SLC39A11: variants seen among roughly 807,000 people sequenced by gnomAD.
SLC39A11 encodes the protein zinc transporter ZIP11.
A neutral mutation model predicts 36.1 loss-of-function variants in SLC39A11; 33 were observed. The ratio of observed to expected loss-of-function variants is 0.91; its 90% CI spans 0.69 to 1.22. The LOEUF (loss-of-function observed/expected upper bound fraction) is 1.22. Ranked by LOEUF, SLC39A11 falls within the 50% of genes most tolerant of loss-of-function variation. The pLI is 0.00. For missense variants in SLC39A11, 432 were observed against 430.3 expected (o/e 1.00, Z -0.03); for synonymous variants, 166 against 170.3 (o/e 0.97, Z 0.20).
chr17:72,694,612 C>T (rs550261798), intron 7 of SLC39A11, among the ~76,000 whole-genome samples: 56 of 152,334 alleles, frequency 3.7e-4, no homozygotes, highest in Admixed American at 1.2e-3. Context: ...AGTGGTTCCA[C>T]GGCAAGCTAA....
intron 6 of SLC39A11, among the ~76,000 whole-genome samples, chr17:72,797,375 AAT>A (rs1327817815): frequency 2.6e-5 from 4 of 152,054 alleles, no homozygotes; most frequent in Admixed American, 2.0e-4. Flanking sequence ...TAAGATAAGG[AAT>A]AGAGTAACTA....
intron 4 of SLC39A11, among the ~76,000 whole-genome samples, chr17:72,972,013 C>T (rs1162504933): frequency 2.6e-5 from 4 of 152,192 alleles, no homozygotes; most frequent in Non-Finnish European, 4.4e-5. Flanking sequence ...TTAATATGAA[C>T]TGTGATCATC....
intron 5 of SLC39A11, among the ~76,000 whole-genome samples, chr17:72,871,223 G>A (rs146361235): frequency 0.015 from 2,305 of 151,846 alleles, 39 homozygotes; most frequent in South Asian, 0.049. Flanking sequence ...CACAATGCCC[G>A]GCTAATTTTT....
chr17:72,808,085 G>A (rs2077320234), intron 6 of SLC39A11, among the ~76,000 whole-genome samples: 1 of 152,134 alleles, frequency 6.6e-6, no homozygotes, highest in Non-Finnish European at 1.5e-5. Context: ...CTGGCCATAA[G>A]TTCTGTGTGT....
At chr17:72,967,389 A>AGAGAGAGAGAGAGAGG (rs2087074997) in intron 4 of SLC39A11, among the ~76,000 whole-genome samples, 1 of 147,632 alleles carries the variant, frequency 6.8e-6, no homozygotes, top group Non-Finnish European at 1.5e-5. Flanking sequence ...AGAGAGAGAG[A>AGAGAGAGAGAGAGAGG]GAGAGAGAGA....
intron 4 of SLC39A11, among the ~76,000 whole-genome samples, chr17:73,004,216 A>AAAG (rs774738475): frequency 8.2e-6 from 1 of 122,610 alleles, no homozygotes; most frequent in Admixed American, 8.6e-5. Flanking sequence ...AGAAAGAAAG[A>AAAG]AAGAAAGAAA....
intron 5 of SLC39A11, among the ~76,000 whole-genome samples, chr17:72,901,250 C>T (rs1390185410): frequency 6.6e-6 from 1 of 152,246 alleles, no homozygotes; most frequent in Non-Finnish European, 1.5e-5. Flanking sequence ...GACGTCTCTA[C>T]TCCAGGAAAA....
chr17:73,079,992 C>T (rs2060459697), intron 3 of SLC39A11, among the ~76,000 whole-genome samples: 1 of 152,164 alleles, frequency 6.6e-6, no homozygotes, highest in South Asian at 2.1e-4. Flanking sequence ...ATAAATGACA[C>T]AAACACATGG....
chr17:72,726,212 G>A (rs1328016785), intron 7 of SLC39A11, among the ~76,000 whole-genome samples: 1 of 152,208 alleles, frequency 6.6e-6, no homozygotes, highest in Admixed American at 6.5e-5. Context: ...ATGGAGGCTT[G>A]GAGGGAGCCA....
chr17:72,846,018 CTTTTTTTTTTTTTTTTTT>C (rs569100122), intron 6 of SLC39A11, among the ~76,000 whole-genome samples: 3 of 57,950 alleles, frequency 5.2e-5, no homozygotes, highest in African/African-American at 8.5e-5. Flanking sequence ...CTCTCTCTCT[CTTTTTTTTTTTTTTTTTT>C]TTTTTTTTTT....
At chr17:72,794,941 T>A (rs1197293935) in intron 6 of SLC39A11, among the ~76,000 whole-genome samples, 1 of 152,106 alleles carries the variant, frequency 6.6e-6, no homozygotes, top group Admixed American at 6.5e-5. Flanking sequence ...CCACACTGGA[T>A]ATGAGGGATG....
Position 72,918,413 on chromosome 17 carries a change from A to G in SLC39A11, c.430+29339T>C, listed in dbSNP as rs182589626. On this transcript the variant is annotated intron_variant, in intron 5 of 9. Coordinates refer to ENST00000255559, the MANE Select transcript of SLC39A11 (RefSeq NM_139177.4). Reference sequence around the variant, plus strand: ...GACAAGCGTGAAACTCCATCTCCAAAAAAGAAAAAAGAAAAGAGCACTGAA... The same window carrying G: ...GACAAGCGTGAAACTCCATCTCCAAGAAAGAAAAAAGAAAAGAGCACTGAA... 3.9e-5 allele frequency among the ~76,000 whole-genome samples: 6 copies of G among 152,216 alleles called. No homozygotes were observed. The East Asian group carries it at 1.2e-3, about 29-fold the overall frequency.
chr17:72,711,148 C>A (rs2073091143), intron 7 of SLC39A11, among the ~76,000 whole-genome samples: 1 of 152,206 alleles, frequency 6.6e-6, no homozygotes, highest in Admixed American at 6.5e-5. Flanking sequence ...CAGGACTCAG[C>A]CTGGTTGCCT....
chr17:72,722,515 G>C (rs1457057849), intron 7 of SLC39A11, among the ~76,000 whole-genome samples: 2 of 152,084 alleles, frequency 1.3e-5, no homozygotes, highest in Admixed American at 6.6e-5. Flanking sequence ...GGGGTGGGGT[G>C]GGGGAGGGAA....
chr17:73,006,605 A>G (rs1001955108), intron 4 of SLC39A11, among the ~76,000 whole-genome samples: 5 of 152,106 alleles, frequency 3.3e-5, no homozygotes, highest in Admixed American at 6.6e-5. Flanking sequence ...TCTTCAGACA[A>G]TAAGTACCCA....
chr17:73,031,697 G>C lies in SLC39A11; in HGVS notation c.165C>G (p.Ser55=), dbSNP rs773092405. ...GFAAGVMLAA[S]YWSLLAPAVE... is the part of the protein sequence containing the mutation. Reference sequence around the variant, plus strand: ...CTGCTGGGGCCAGAAGAGACCAATAGGAAGCTGCCAACATGACCTACAAAA... The same window carrying C: ...CTGCTGGGGCCAGAAGAGACCAATACGAAGCTGCCAACATGACCTACAAAA... The change falls in exon 4 of 10, where the codon TCC becomes TCG. Residue 55 remains serine, a synonymous_variant. Coordinates refer to ENST00000255559, the MANE Select transcript of SLC39A11 (RefSeq NM_139177.4). The C allele has an allele frequency of 1.1e-5, 18 of 1,613,668 alleles. No homozygotes were observed. The East Asian group carries it at 4.0e-4, about 36-fold the overall frequency.
intron 5 of SLC39A11, among the ~76,000 whole-genome samples, chr17:72,933,936 T>C (rs1429958210): frequency 2.0e-5 from 3 of 152,188 alleles, no homozygotes; most frequent in African/African-American, 4.8e-5. Flanking sequence ...CAAACAAATA[T>C]GGCTCACGAA....
intron 4 of SLC39A11, among the ~76,000 whole-genome samples, chr17:72,994,486 A>C (rs1357469038): frequency 6.6e-6 from 1 of 152,176 alleles, no homozygotes; most frequent in Non-Finnish European, 1.5e-5. Flanking sequence ...CAAGAGGGGA[A>C]TACATGGGGA....
chr17:73,058,717 T>A (rs1333757114), intron 3 of SLC39A11, among the ~76,000 whole-genome samples: 1 of 152,114 alleles, frequency 6.6e-6, no homozygotes, highest in Non-Finnish European at 1.5e-5. Context: ...AGCGAAACTC[T>A]GTCTCAAAAA....
Sources: allele counts gnomAD v4.1 joint callset (sites outside exome capture counted in the v4.1 genomes callset), GRCh38; gene constraint gnomAD v4.1.1; transcripts MANE v1.5; gene names NCBI Gene and HGNC (gene_info 2026-07-23, HGNC 2026-07-21).